ZFYVE9: variants seen among roughly 807,000 people sequenced by gnomAD.
ZFYVE9 encodes zinc finger FYVE domain-containing protein 9.
Under a neutral mutation model 126.7 loss-of-function variants are expected in ZFYVE9, and 43 were observed. That is an observed-to-expected ratio of 0.34 (90% CI 0.27 to 0.44). The LOEUF (loss-of-function observed/expected upper bound fraction) is 0.44, where lower values mean the gene tolerates loss of function less well. Ranked by LOEUF, ZFYVE9 falls within the 20% of genes least tolerant of loss-of-function variation. The pLI, the probability that ZFYVE9 is intolerant of heterozygous loss-of-function variation, is 1.00. For synonymous variants in ZFYVE9, 521 were observed against 597.4 expected, an observed-to-expected ratio of 0.87 and a Z score of 1.87; for missense variants, 1,476 against 1,697.0, an observed-to-expected ratio of 0.87 and a Z score of 2.29.
chr1:52,333,190 C>T (rs562752795), intron 14 of ZFYVE9, among the ~76,000 whole-genome samples: 5 of 151,108 alleles, frequency 3.3e-5, no homozygotes, highest in Admixed American at 2.0e-4. Flanking sequence ...ATGTAAATGA[C>T]GAGTTGATGG....
At chr1:52,295,034 C>T (rs1330817471) in intron 11 of ZFYVE9, among the ~76,000 whole-genome samples, 2 of 152,088 alleles carry the variant, frequency 1.3e-5, no homozygotes, top group South Asian at 2.1e-4. Flanking sequence ...TGGTGAATCC[C>T]ATCTCTACTA....
chr1:52,157,386 C>G (rs2124505339), intron 1 of ZFYVE9, among the ~76,000 whole-genome samples: 1 of 125,858 alleles, frequency 7.9e-6, no homozygotes, highest in South Asian at 2.6e-4. Context: ...CTTATGGCAC[C>G]ATATTCTCTT....
At chr1:52,183,226 C>T (rs1644731350) in intron 1 of ZFYVE9, among the ~76,000 whole-genome samples, 1 of 152,180 alleles carries the variant, frequency 6.6e-6, no homozygotes, top group South Asian at 2.1e-4. Flanking sequence ...ACAGAGGACA[C>T]AGGCACTTAG....
intron 13 of ZFYVE9, among the ~76,000 whole-genome samples, chr1:52,324,904 G>A (rs1000789868): frequency 6.6e-6 from 1 of 152,244 alleles, no homozygotes; most frequent in South Asian, 2.1e-4. Context: ...GGAGGCTGAG[G>A]AGGGAGGATC....
At chr1:52,193,867 A>G (rs775033958) in intron 1 of ZFYVE9, among the ~76,000 whole-genome samples, 4 of 152,182 alleles carry the variant, frequency 2.6e-5, no homozygotes, top group Admixed American at 6.6e-5. Flanking sequence ...CATTCTTGGT[A>G]ATCGTTGAAA....
At chr1:52,338,734 G>C (rs759865146) in intron 16 of ZFYVE9, among the ~76,000 whole-genome samples, 4 of 152,176 alleles carry the variant, frequency 2.6e-5, no homozygotes, top group African/African-American at 4.8e-5. Context: ...AGATTTGGCC[G>C]GGTGTGGTGG....
At chr1:52,193,232 G>A (rs966497227) in intron 1 of ZFYVE9, among the ~76,000 whole-genome samples, 1 of 152,012 alleles carries the variant, frequency 6.6e-6, no homozygotes, top group African/African-American at 2.4e-5. Context: ...CCAGAGTAGT[G>A]CCCTTGTCTG....
At chr1:52,225,792 G>T (rs1157893153) in intron 2 of ZFYVE9, among the ~76,000 whole-genome samples, 1 of 152,126 alleles carries the variant, frequency 6.6e-6, no homozygotes, top group Non-Finnish European at 1.5e-5. Flanking sequence ...TTTTGCCAAG[G>T]TTGAGGACAC....
At chr1:52,288,198 A>G (rs1645881189) in intron 10 of ZFYVE9, among the ~76,000 whole-genome samples, 1 of 152,250 alleles carries the variant, frequency 6.6e-6, no homozygotes, top group Admixed American at 6.5e-5. Flanking sequence ...ACTTAAGATC[A>G]CACAGTTAGG....
chr1:52,295,698 G>GAAGA (rs1312353420), intron 11 of ZFYVE9, among the ~76,000 whole-genome samples, 197 bp from the exon 12 acceptor site: 1 of 151,996 alleles, frequency 6.6e-6, no homozygotes, highest in Non-Finnish European at 1.5e-5. Context: ...ACATCGAAAG[G>GAAGA]CTTATTCTGG....
chr1:52,220,946 A>ACC (rs1293053035), intron 2 of ZFYVE9, among the ~76,000 whole-genome samples: 3 of 152,214 alleles, frequency 2.0e-5, no homozygotes, highest in African/African-American at 7.2e-5. Flanking sequence ...TGGGACATGG[A>ACC]CAACTGCAAT....
At chr1:52,205,116 C>T (rs2124576353) in intron 1 of ZFYVE9, among the ~76,000 whole-genome samples, 1 of 149,526 alleles carries the variant, frequency 6.7e-6, no homozygotes, top group South Asian at 2.1e-4. Flanking sequence ...ATTCTGTCGC[C>T]CAGGCTGGAG....
intron 1 of ZFYVE9, among the ~76,000 whole-genome samples, chr1:52,174,735 A>T (rs1320982507): frequency 6.6e-6 from 1 of 152,136 alleles, no homozygotes; most frequent in Admixed American, 6.5e-5. Context: ...TTCTTGCTGA[A>T]TTGATCCCTT....
chr1:52,181,751 G>A (rs542746722), intron 1 of ZFYVE9, among the ~76,000 whole-genome samples: 1 of 152,050 alleles, frequency 6.6e-6, no homozygotes, highest in African/African-American at 2.4e-5. Context: ...TCTGGGATGT[G>A]AGGAGCGCCT....
At chr1:52,183,941 A>G (rs1572082912) in intron 1 of ZFYVE9, among the ~76,000 whole-genome samples, 1 of 147,486 alleles carries the variant, frequency 6.8e-6, no homozygotes, top group South Asian at 2.1e-4. Flanking sequence ...TGATCCACCC[A>G]CCTCGACTTC....
chr1:52,218,351 A>T (rs1283273069), intron 2 of ZFYVE9, among the ~76,000 whole-genome samples: 4 of 152,208 alleles, frequency 2.6e-5, no homozygotes, highest in Non-Finnish European at 5.9e-5. Context: ...ACTACATCCC[A>T]TCAGGTTTCC....
intron 1 of ZFYVE9, among the ~76,000 whole-genome samples, chr1:52,211,891 G>A (rs1242935120): frequency 2.0e-5 from 3 of 152,038 alleles, no homozygotes; most frequent in African/African-American, 7.2e-5. Context: ...GTTCATATCA[G>A]AGATTCCTAT....
chr1:52,210,384 G>A lies in ZFYVE9; in HGVS notation c.-142-5985G>A, dbSNP rs143807581. Among the ~76,000 whole-genome samples the A allele has an allele frequency of 5.8e-3, 877 of 152,006 alleles. 14 individuals carry two copies. Among genetic ancestry groups the A allele is most frequent in the African/African-American group, 0.02 (841 of 41,328 alleles). ...CTCTCTTACCTCGCTTTTTGCCTGAGTAACATTAGTTGTTTCCTAAACTGT... is the reference window on the plus strand; with the variant it reads ...CTCTCTTACCTCGCTTTTTGCCTGAATAACATTAGTTGTTTCCTAAACTGT... On this transcript the variant is annotated intron_variant, in intron 1 of 18. Transcript: ENST00000287727.
intron 1 of ZFYVE9, among the ~76,000 whole-genome samples, chr1:52,184,438 G>A (rs1167047157): frequency 6.9e-6 from 1 of 145,248 alleles, no homozygotes; most frequent in African/African-American, 2.6e-5. Flanking sequence ...TAGAGATGGG[G>A]TTTCCTCATG....
Sources: gnomAD v4.1 joint callset for allele counts (sites outside exome capture counted in the v4.1 genomes callset) on GRCh38, gnomAD v4.1.1 for gene constraint, MANE v1.5 for transcripts, NCBI Gene and HGNC (gene_info 2026-07-23, HGNC 2026-07-21) for gene names.